The following IRGM variants were observed in gnomAD, a reference collection of about 807,000 sequenced individuals.
The protein encoded by IRGM is immunity related GTPase M.
For missense variants in IRGM, 288 were observed against 219.9 expected (o/e 1.31, Z -1.96); for synonymous variants, 98 against 80.6 (o/e 1.22, Z -1.16).
At chr5:150,871,277 G>A (rs183669626) in intron 1 of IRGM, among the ~76,000 whole-genome samples, 2 of 152,288 alleles carry the variant, frequency 1.3e-5, no homozygotes, top group African/African-American at 4.8e-5. Flanking sequence ...ATATGGTAAT[G>A]AGATTTAAAA....
chr5:150,858,648 T>A (rs1489256750), intron 1 of IRGM, among the ~76,000 whole-genome samples: 1 of 151,824 alleles, frequency 6.6e-6, no homozygotes, highest in East Asian at 1.9e-4. Flanking sequence ...TCACATCCCT[T>A]GTAAGTTGGA....
At chr5:150,858,743 A>T (rs1163866708) in intron 1 of IRGM, among the ~76,000 whole-genome samples, 1 of 152,122 alleles carries the variant, frequency 6.6e-6, no homozygotes, top group African/African-American at 2.4e-5. Context: ...TTATTGGTGT[A>T]TAAGAATGCT....
intron 1 of IRGM, among the ~76,000 whole-genome samples, chr5:150,866,423 T>G (rs1328735764): frequency 6.6e-6 from 1 of 152,212 alleles, no homozygotes; most frequent in Non-Finnish European, 1.5e-5. Context: ...GGACATTTTT[T>G]TGAGAAGGCT....
At chr5:150,896,578 A>G (rs1754791522) in intron 3 of IRGM, 1 of 1,613,540 alleles carries the variant, frequency 6.2e-7, no homozygotes, top group African/African-American at 1.3e-5. Context: ...TGGCTAGATG[A>G]TTTTCCACCT....
At chr5:150,855,576 A>C (rs929249431) in intron 1 of IRGM, among the ~76,000 whole-genome samples, 22 of 152,330 alleles carry the variant, frequency 1.4e-4, no homozygotes, top group African/African-American at 5.1e-4. Flanking sequence ...AGGAATGGTA[A>C]GGTAGCCTTG....
At chr5:150,876,599 A>T (rs1754366508) in intron 1 of IRGM, among the ~76,000 whole-genome samples, 1 of 152,198 alleles carries the variant, frequency 6.6e-6, no homozygotes, top group South Asian at 2.1e-4. Flanking sequence ...GTATGTGTGG[A>T]ATACAGGAGT....
chr5:150,847,495 G>A (rs573566474), intron 1 of IRGM: 1 of 152,704 alleles, frequency 6.5e-6, no homozygotes, highest in African/African-American at 2.4e-5. Context: ...TTTGGAGGCT[G>A]ACTCGGAGGC....
At chr5:150,893,036 G>A (rs896568231) in intron 3 of IRGM, among the ~76,000 whole-genome samples, 7 of 151,892 alleles carry the variant, frequency 4.6e-5, no homozygotes, top group African/African-American at 1.7e-4. Flanking sequence ...CTGTTGCTTA[G>A]GTATTTTCAG....
chr5:150,895,766 T>G, intron 3 of IRGM: 2 of 1,613,414 alleles, frequency 1.2e-6, no homozygotes, highest in Non-Finnish European at 1.7e-6. Context: ...ATTTATAGGG[T>G]TTTTCTCCAG....
chr5:150,875,363 G>A (rs960150771), intron 1 of IRGM, among the ~76,000 whole-genome samples: 1 of 152,196 alleles, frequency 6.6e-6, no homozygotes, highest in Non-Finnish European at 1.5e-5. Flanking sequence ...TGCGTGGAAG[G>A]AAAAATGGCC....
chr5:150,874,251 T>C (rs1342643230), intron 1 of IRGM, among the ~76,000 whole-genome samples: 4 of 152,180 alleles, frequency 2.6e-5, no homozygotes, highest in Non-Finnish European at 5.9e-5. Context: ...CTTGATCACT[T>C]TTCCCTTCCC....
chr5:150,860,563 C>A (rs1429369204), intron 1 of IRGM, among the ~76,000 whole-genome samples: 1 of 152,188 alleles, frequency 6.6e-6, no homozygotes, highest in Non-Finnish European at 1.5e-5. Flanking sequence ...CCTGAGCAAC[C>A]ACAGTCCCTG....
chr5:150,870,745 C>G (rs1032900338), intron 1 of IRGM, among the ~76,000 whole-genome samples: 2 of 152,102 alleles, frequency 1.3e-5, no homozygotes, highest in African/African-American at 4.8e-5. Flanking sequence ...TTAAAATTAA[C>G]AGCCATCTGG....
intron 1 of IRGM, among the ~76,000 whole-genome samples, chr5:150,866,530 C>T (rs764003982): frequency 2.6e-5 from 4 of 152,082 alleles, no homozygotes; most frequent in Admixed American, 6.6e-5. Flanking sequence ...TGGTACAACC[C>T]ATTGTCTTTT....
At chr5:150,893,145 TTTTC>T (rs1266091820) in intron 3 of IRGM, among the ~76,000 whole-genome samples, 7 of 152,270 alleles carry the variant, frequency 4.6e-5, no homozygotes, top group Admixed American at 1.3e-4. Flanking sequence ...TAAATTTGTT[TTTTC>T]TTTGTTTTAC....
intron 3 of IRGM, among the ~76,000 whole-genome samples, chr5:150,887,661 A>G: frequency 6.7e-6 from 1 of 149,510 alleles, no homozygotes. Context: ...TCAAAATGAA[A>G]AAAAAAAAAA....
In IRGM at chr5:150,895,470, G is replaced by A. The variant is rs772566691; in HGVS notation, c.*141-5119G>A. On this transcript the variant is annotated intron_variant and NMD_transcript_variant, in intron 3 of 3. Coordinates refer to the IRGM transcript ENST00000520549. ...AATTCTCTGGTGTACAGTTAGTTGT[G>A]ACTTCTGGATGAAGGCCTTCCCACA... 3 of 1,612,390 alleles carry A rather than the reference G, an allele frequency of 1.9e-6. No individual in the cohort carries two copies. The African/African-American group carries it at 4.0e-5, about 22-fold the overall frequency.
At chr5:150,857,076 C>T (rs1320293660) in intron 1 of IRGM, among the ~76,000 whole-genome samples, 2 of 151,656 alleles carry the variant, frequency 1.3e-5, no homozygotes, top group African/African-American at 4.9e-5. Context: ...TGCTATCCCT[C>T]CCTCCTCCCC....
intron 3 of IRGM, chr5:150,896,693 C>A: frequency 1.2e-6 from 2 of 1,613,488 alleles, no homozygotes; most frequent in Non-Finnish European, 1.7e-6. Context: ...TATGGAATCT[C>A]TGTATTGATA....
Sources: gnomAD v4.1 joint callset for allele counts (sites outside exome capture counted in the v4.1 genomes callset) on GRCh38, gnomAD v4.1.1 for gene constraint, MANE v1.5 for transcripts, NCBI Gene and HGNC (gene_info 2026-07-23, HGNC 2026-07-21) for gene names.